Variants in DNAH9 observed in about 807,000 individuals in gnomAD.
The protein encoded by DNAH9 is dynein axonemal heavy chain 9.
Under a neutral mutation model 471.6 loss-of-function variants are expected in DNAH9, and 345 were observed. The ratio of observed to expected loss-of-function variants is 0.73; its 90% CI spans 0.67 to 0.80. The LOEUF is 0.80. Among genes scored for constraint, DNAH9 ranks in the 30% least tolerant of loss-of-function variants. DNAH9 has a pLI of 0.00. For missense variants in DNAH9, 5,407 were observed against 5,609.2 expected (o/e 0.96, Z 1.15); for synonymous variants, 2,093 against 2,123.6 (o/e 0.99, Z 0.40).
chr17:11,898,033 C>G (rs1341658366), intron 59 of DNAH9, among the ~76,000 whole-genome samples: 1 of 152,174 alleles, frequency 6.6e-6, no homozygotes, highest in African/African-American at 2.4e-5. Flanking sequence ...CAGCATAACT[C>G]CAGGGTCTGT....
At chr17:11,920,054 G>A (rs1974088123) in intron 61 of DNAH9, among the ~76,000 whole-genome samples, 1 of 96,546 alleles carries the variant, frequency 1.0e-5, no homozygotes, top group Admixed American at 1.1e-4. Flanking sequence ...TTTTTTTTGA[G>A]ACAGAGTTTC....
Position 11,891,872 on chromosome 17 carries a change from C to T in DNAH9, c.11208C>T (p.Phe3736=), listed in dbSNP as rs2151004313. The change falls in exon 58 of 69, where the codon TTC becomes TTT. Residue 3736 remains phenylalanine, a synonymous_variant. Transcript: ENST00000262442. ...RVANLIDSIT[F]SVYQYTIRGL... The stretch of plus-strand genomic sequence containing the variant: ...CCAACCTAATAGACAGCATAACCTT[C>T]TCTGTGTACCAGTACACCATCCGCG... 1 of 1,614,174 alleles carries T rather than the reference C, an allele frequency of 6.2e-7. No individual in the cohort carries two copies. Among genetic ancestry groups the T allele is most frequent in the Admixed American group, 1.7e-5 (1 of 60,022 alleles).
At position 11,894,419 on chromosome 17, in the gene DNAH9, C is replaced by T; in HGVS notation, c.11329C>T (p.Leu3777=). Residue 3777 remains leucine, a synonymous_variant, in exon 59 of 69, where the codon CTG becomes TTG. Transcript: ENST00000262442. ...REVNAVELDF[L]LRSPVQTGTA... is the part of the protein sequence containing the mutation. ...AGTCAATGCAGTGGAGTTGGATTTCCTGCTTCGATCTCCAGTGCAGACGGG... is the reference window on the plus strand; with the variant it reads ...AGTCAATGCAGTGGAGTTGGATTTCTTGCTTCGATCTCCAGTGCAGACGGG... The T allele has an allele frequency of 6.2e-7, 1 of 1,614,164 alleles. No individual in the cohort carries two copies. Among genetic ancestry groups the T allele is most frequent in the Non-Finnish European group, 8.5e-7 (1 of 1,180,022 alleles).
intron 28 of DNAH9, among the ~76,000 whole-genome samples, chr17:11,729,396 G>A (rs1167292277): frequency 1.3e-5 from 2 of 152,292 alleles, no homozygotes; most frequent in African/African-American, 4.8e-5. Context: ...CAAAGCTGTG[G>A]CGAGGTGCTT....
chr17:11,929,526 T>C (rs1177294149), intron 62 of DNAH9, among the ~76,000 whole-genome samples: 2 of 152,164 alleles, frequency 1.3e-5, no homozygotes, highest in Non-Finnish European at 2.9e-5. Context: ...AACATTATGC[T>C]GGAAAGCCTT....
chr17:11,769,002 C>A, intron 37 of DNAH9, 120 bp from the exon 38 acceptor site: 1 of 1,019,566 alleles, frequency 9.8e-7, no homozygotes, highest in Non-Finnish European at 1.5e-6. Flanking sequence ...CTGACCGGTG[C>A]TTATTTGGGG....
At chr17:11,716,911 A>G (rs2074974830) in intron 26 of DNAH9, among the ~76,000 whole-genome samples, 1 of 152,224 alleles carries the variant, frequency 6.6e-6, no homozygotes, top group Non-Finnish European at 1.5e-5. Flanking sequence ...GCAGTTGTAG[A>G]GGAAGCCCAA....
intron 25 of DNAH9, among the ~76,000 whole-genome samples, chr17:11,704,747 C>T (rs1214706587): frequency 2.6e-5 from 4 of 152,172 alleles, no homozygotes; most frequent in South Asian, 4.1e-4. Context: ...CCACCCCCAG[C>T]TAACTTTGTA....
chr17:11,917,555 T>C (rs10401006), intron 61 of DNAH9, among the ~76,000 whole-genome samples: 27,602 of 152,180 alleles, frequency 0.18, 2,650 homozygotes, highest in East Asian at 0.27. Flanking sequence ...ACTGTACTCA[T>C]CTCTCTTTTC....
intron 28 of DNAH9, 38 bp from the exon 29 acceptor site, chr17:11,738,842 C>A: frequency 6.3e-7 from 1 of 1,599,484 alleles, no homozygotes; most frequent in South Asian, 1.1e-5. Flanking sequence ...CACTAAAAGG[C>A]AATTGAGGAA....
intron 17 of DNAH9, among the ~76,000 whole-genome samples, chr17:11,676,356 C>T (rs1474520622): frequency 1.4e-5 from 2 of 144,710 alleles, no homozygotes; most frequent in African/African-American, 5.1e-5. Flanking sequence ...GATCTCGGCT[C>T]ACTGCAACCT....
rs562614732 is a variant in DNAH9 at position 11,615,915 on chromosome 17, TACTC to T, written c.905-1493_905-1490del. Among the ~76,000 whole-genome samples the T allele has an allele frequency of 1.8e-4, 28 of 152,326 alleles. No homozygotes were observed. The South Asian group carries it at 5.6e-3, about 30-fold the overall frequency. On this transcript the variant is annotated intron_variant, in intron 4 of 68. Coordinates refer to ENST00000262442, the MANE Select transcript of DNAH9 (RefSeq NM_001372.4). ...CCCCACCCCAACACAGAGGTTCTAA[TACTC>T]ACCATCAGCCCCTCCACTTGAGAAT... is the stretch of plus-strand genomic sequence containing the variant.
At chr17:11,814,717 C>T (rs1246537455) in intron 45 of DNAH9, among the ~76,000 whole-genome samples, 1 of 152,036 alleles carries the variant, frequency 6.6e-6, no homozygotes, top group African/African-American at 2.4e-5. Flanking sequence ...ATCTGTGGGC[C>T]AAATCTCCTC....
At chr17:11,941,214 A>C (rs984674371) in intron 66 of DNAH9, among the ~76,000 whole-genome samples, 1 of 152,140 alleles carries the variant, frequency 6.6e-6, no homozygotes, top group Non-Finnish European at 1.5e-5. Context: ...GAGATAGGGA[A>C]TTGTTCCTAG....
intron 67 of DNAH9, among the ~76,000 whole-genome samples, chr17:11,943,438 G>C (rs1036437113): frequency 2.6e-5 from 4 of 152,070 alleles, no homozygotes; most frequent in Admixed American, 6.5e-5. Context: ...CAGCACTTTG[G>C]GAGCCCAAGG....
chr17:11,616,382 C>T lies in DNAH9; in HGVS notation c.905-1029C>T, dbSNP rs2072744376. On this transcript the variant is annotated intron_variant, in intron 4 of 68. Transcript: ENST00000262442. ...ATCCGCATACTGTAACCTAAGACCA[C>T]CTGCTCTCATATGATACCACCTGAT... 2.0e-5 allele frequency among the ~76,000 whole-genome samples: 3 copies of T among 152,186 alleles called. No individual in the cohort carries two copies. The South Asian group carries it at 6.2e-4, about 32-fold the overall frequency.
At chr17:11,762,766 T>TTTTTTTTTTG (rs777342371) in intron 35 of DNAH9, among the ~76,000 whole-genome samples, 1 of 87,238 alleles carries the variant, frequency 1.1e-5, no homozygotes, top group Admixed American at 1.3e-4. Context: ...GCGTTTTTTT[T>TTTTTTTTTTG]TTTGTTTTTT....
chr17:11,757,659 A>G lies in DNAH9; in HGVS notation c.6962A>G (p.Tyr2321Cys), dbSNP rs1291597762. 3 of 1,614,128 alleles carry G rather than the reference A, an allele frequency of 1.9e-6. No individual in the cohort carries two copies. The highest frequency in any genetic ancestry group is 1.7e-4 in the Middle Eastern group (1 of 6,020). Residue 2321 changes from tyrosine to cysteine, a missense_variant, in exon 35 of 69, where the codon TAT becomes TGT. Tyr to Cys is a radical substitution (Grantham distance 194, BLOSUM62 -2). Transcript: ENST00000262442. ...RANLTILFDK[Y>C]LPTCLDTLRT... is the part of the protein sequence containing the mutation. ...AACTTAACCATTTTGTTCGACAAGT[A>G]TCTTCCAACCTGCCTAGACACACTC...
intron 49 of DNAH9, among the ~76,000 whole-genome samples, chr17:11,849,873 A>G (rs1436339155): frequency 6.6e-6 from 1 of 152,156 alleles, no homozygotes; most frequent in Non-Finnish European, 1.5e-5. Context: ...CATACTAAAT[A>G]ATATTTGTCC....
Sources: allele counts gnomAD v4.1 joint callset (sites outside exome capture counted in the v4.1 genomes callset), GRCh38; gene constraint gnomAD v4.1.1; transcripts MANE v1.5; gene names NCBI Gene and HGNC (gene_info 2026-07-23, HGNC 2026-07-21).